CHFR: variants seen among roughly 807,000 people sequenced by gnomAD.
CHFR encodes checkpoint with forkhead and ring finger domains, also known as E3 ubiquitin-protein ligase CHFR.
CHFR carries 57 observed loss-of-function variants against 87.6 expected under a neutral mutation model. The observed-to-expected ratio is 0.65, with a 90% confidence interval of 0.53 to 0.81. The LOEUF (loss-of-function observed/expected upper bound fraction) is 0.81. CHFR is among the 30% of genes least tolerant of loss of function. CHFR has a pLI of 0.00. For missense variants in CHFR, 797 were observed against 865.8 expected, an observed-to-expected ratio of 0.92 and a Z score of 1.00; for synonymous variants, 381 against 359.2, an observed-to-expected ratio of 1.06 and a Z score of -0.69.
intron 2 of CHFR, among the ~76,000 whole-genome samples, chr12:132,878,570 TC>T (rs1274576435): frequency 1.3e-5 from 2 of 151,164 alleles, no homozygotes; most frequent in Non-Finnish European, 2.9e-5. Flanking sequence ...GTTGGCTAGG[TC>T]CGGTGGCTCA....
intron 10 of CHFR, chr12:132,854,147 T>A (rs1022729021): frequency 6.6e-6 from 1 of 152,298 alleles, no homozygotes; most frequent in African/African-American, 2.4e-5. Context: ...CAGGGGCCAA[T>A]AAGGCCAACA....
At chr12:132,843,927 CA>C in intron 16 of CHFR, 99 bp downstream of exon 16, 1 of 709,106 alleles carries the variant, frequency 1.4e-6, no homozygotes. Flanking sequence ...CCAGCCTGGG[CA>C]AAAACAGCGA....
chr12:132,868,446 G>T (rs1482454825), intron 6 of CHFR, among the ~76,000 whole-genome samples: 1 of 152,014 alleles, frequency 6.6e-6, no homozygotes, highest in African/African-American at 2.4e-5. Context: ...AGCTTGCAGT[G>T]AGCCGAGATC....
intron 2 of CHFR, among the ~76,000 whole-genome samples, chr12:132,883,880 A>C (rs1951824801): frequency 6.6e-6 from 1 of 152,238 alleles, no homozygotes; most frequent in South Asian, 2.1e-4. Context: ...TGGGAGGCCA[A>C]GGCAGGTGGA....
In CHFR at chr12:132,835,869, C is replaced by T; in HGVS notation, c.*5685G>A. The T allele has an allele frequency of 3.2e-6, 1 of 311,050 alleles. No individual in the cohort carries two copies. Among genetic ancestry groups the T allele is most frequent in the South Asian group, 2.4e-5 (1 of 41,794 alleles). 19.3% of individuals were successfully genotyped at this position (311,050 alleles called of 1,614,324 possible). Reference sequence around the variant, plus strand: ...CGCACGGCCCTCACAGTGATAGGCTCCCAGCACGGCGCACGGCACTCACAG... The same window carrying T: ...CGCACGGCCCTCACAGTGATAGGCTTCCAGCACGGCGCACGGCACTCACAG... On this transcript the variant is annotated 3_prime_UTR_variant, in exon 18 of 18. Transcript: ENST00000450056.
chr12:132,858,977 T>C, intron 8 of CHFR, 91 bp downstream of exon 8: 1 of 1,301,742 alleles, frequency 7.7e-7, no homozygotes, highest in South Asian at 1.5e-5. Flanking sequence ...AAACAGGACC[T>C]GCAGGCTTGT....
chr12:132,873,774 G>C (rs749668647), intron 3 of CHFR, among the ~76,000 whole-genome samples: 4 of 152,200 alleles, frequency 2.6e-5, no homozygotes, highest in Non-Finnish European at 5.9e-5. Context: ...CAGGGGGCTG[G>C]AGCCAATCCC....
intron 11 of CHFR, among the ~76,000 whole-genome samples, chr12:132,852,887 G>A (rs1483897091): frequency 6.6e-6 from 1 of 152,230 alleles, no homozygotes; most frequent in African/African-American, 2.4e-5. Flanking sequence ...CTATGAGTCT[G>A]GAGTGAGCAG....
Position 132,851,856 on chromosome 12 carries a change from G to T in CHFR, c.1373-119C>A. 4.8e-6 allele frequency: 6 copies of T among 1,260,970 alleles called. No homozygotes were observed. In the South Asian group the frequency reaches 8.2e-5, roughly 17 times the overall value. 78.1% of individuals were successfully genotyped at this position (1,260,970 alleles called of 1,614,324 possible). A position where few individuals can be genotyped will look rare whatever the true frequency, so the allele number is the denominator to read the frequency against. ...TGCACCTGAGACAGCCGGGGAAGAA[G>T]CAGACCTGCCCTGCTAAACCACCGG... On this transcript the variant is annotated intron_variant, in intron 11 of 17. Coordinates refer to ENST00000450056, the MANE Select transcript of CHFR (RefSeq NM_001161346.2).
intron 6 of CHFR, chr12:132,862,412 G>A (rs747621911): frequency 2.2e-6 from 1 of 449,656 alleles, no homozygotes; most frequent in South Asian, 1.6e-5. Flanking sequence ...GGGCAACACA[G>A]CAAGGCACCA....
At chr12:132,846,064 TA>T (rs1488652437) in intron 15 of CHFR, among the ~76,000 whole-genome samples, 1 of 152,140 alleles carries the variant, frequency 6.6e-6, no homozygotes, top group Non-Finnish European at 1.5e-5. Context: ...TGCCTTTCCT[TA>T]AAAGTTTCTT....
chr12:132,846,992 G>T, intron 15 of CHFR, 51 bp downstream of exon 15: 1 of 1,357,494 alleles, frequency 7.4e-7, no homozygotes, highest in Non-Finnish European at 1.1e-6. Context: ...CGCAGGCACA[G>T]CCCTGGACAC....
chr12:132,884,996 G>C (rs1355883522), intron 2 of CHFR, among the ~76,000 whole-genome samples: 7 of 149,408 alleles, frequency 4.7e-5, no homozygotes, highest in African/African-American at 1.7e-4. Flanking sequence ...GCTGAGGCAG[G>C]AGAATCGCTT....
chr12:132,869,476 A>G, intron 6 of CHFR, 143 bp downstream of exon 6: 1 of 691,068 alleles, frequency 1.4e-6, no homozygotes, highest in Non-Finnish European at 2.4e-6. Context: ...CAACACACTC[A>G]ATATTGACTC....
chr12:132,887,045 G>A (rs564508500), intron 2 of CHFR, 151 bp downstream of exon 2: 3 of 615,304 alleles, frequency 4.9e-6, no homozygotes, highest in Admixed American at 4.2e-5. Flanking sequence ...AAGAATCGGT[G>A]GGCAGAACAC....
rs554993068 is a variant in CHFR at position 132,885,174 on chromosome 12, C to G, written c.133+2022G>C. On this transcript the variant is annotated intron_variant, in intron 2 of 17. Transcript: ENST00000450056. ...CCTGTAATCCCAGCACTTTGGGAGG[C>G]TGAGGCAGGCAGATCACGAGGTCAG... Among the ~76,000 whole-genome samples, 10 of 152,060 alleles carry G rather than the reference C, an allele frequency of 6.6e-5. No homozygotes were observed. In the South Asian group the frequency reaches 2.1e-3, roughly 32 times the overall value.
At chr12:132,870,528 T>C in intron 5 of CHFR, among the ~76,000 whole-genome samples, 196 bp downstream of exon 5, 1 of 97,508 alleles carries the variant, frequency 1.0e-5, no homozygotes, top group Non-Finnish European at 2.0e-5. Flanking sequence ...CAAAACTCCG[T>C]CTCAAAAAAA....
Position 132,858,154 on chromosome 12 carries a change from C to T in CHFR, c.912-595G>A, listed in dbSNP as rs536186021. Among the ~76,000 whole-genome samples the T allele has an allele frequency of 3.1e-4, 47 of 152,190 alleles. No individual in the cohort carries two copies. The South Asian group carries it at 8.9e-3, about 29-fold the overall frequency. On this transcript the variant is annotated intron_variant, in intron 8 of 17. Coordinates refer to ENST00000450056, the MANE Select transcript of CHFR (RefSeq NM_001161346.2). ...GGCAGATTACCTGAGTGCAGGAGTT[C>T]GAGACCAGCCTGGCTAATATGGTGA... is the stretch of plus-strand genomic sequence containing the variant.
chr12:132,881,250 T>C (rs1222160532), intron 2 of CHFR, among the ~76,000 whole-genome samples: 1 of 137,918 alleles, frequency 7.3e-6, no homozygotes, highest in African/African-American at 3.0e-5. Flanking sequence ...AGAGCGAGAC[T>C]CCATCTCAAA....
Sources: allele counts gnomAD v4.1 joint callset (sites outside exome capture counted in the v4.1 genomes callset), GRCh38; gene constraint gnomAD v4.1.1; transcripts MANE v1.5; gene names NCBI Gene and HGNC (gene_info 2026-07-23, HGNC 2026-07-21).